The following ZNF385D variants were observed in gnomAD, a reference collection of about 807,000 sequenced individuals.
ZNF385D encodes the protein zinc finger protein 385D.
ZNF385D carries 15 observed loss-of-function variants against 35.8 expected under a neutral mutation model. The observed-to-expected ratio is 0.42, with a 90% confidence interval of 0.28 to 0.64. The LOEUF (loss-of-function observed/expected upper bound fraction) is 0.64, where lower values mean the gene tolerates loss of function less well. Among genes scored for constraint, ZNF385D ranks in the 30% least tolerant of loss-of-function variants. The pLI, the probability that ZNF385D is intolerant of heterozygous loss-of-function variation, is 0.23. For synonymous variants in ZNF385D, 212 were observed against 186.8 expected, an observed-to-expected ratio of 1.13 and a Z score of -1.10; for missense variants, 474 against 494.6, an observed-to-expected ratio of 0.96 and a Z score of 0.39.
At chr3:21,773,586 C>T (rs530774723) in intron 3 of ZNF385D, among the ~76,000 whole-genome samples, 1 of 151,940 alleles carries the variant, frequency 6.6e-6, no homozygotes, top group South Asian at 2.1e-4. Flanking sequence ...AAAAAACAAA[C>T]AATCCCATTA....
At chr3:21,894,478 A>T (rs183385329) in intron 3 of ZNF385D, among the ~76,000 whole-genome samples, 1 of 152,266 alleles carries the variant, frequency 6.6e-6, no homozygotes, top group Admixed American at 6.5e-5. Context: ...TTTCTTTTGC[A>T]ATATGATTTA....
At chr3:22,355,125 T>C (rs1696090936) in intron 2 of ZNF385D, among the ~76,000 whole-genome samples, 1 of 152,090 alleles carries the variant, frequency 6.6e-6, no homozygotes, top group Non-Finnish European at 1.5e-5. Flanking sequence ...TTCTGCCATA[T>C]CATGTATCAT....
At chr3:21,870,137 G>A (rs1025098645) in intron 3 of ZNF385D, among the ~76,000 whole-genome samples, 1 of 151,964 alleles carries the variant, frequency 6.6e-6, no homozygotes, top group Non-Finnish European at 1.5e-5. Flanking sequence ...GGAAAAAATT[G>A]TATATAAATG....
In ZNF385D at chr3:22,180,914, C is replaced by CTTTTTTTTTTTTTTTTTTTT. The variant is rs61668943; in HGVS notation, c.107-11880_107-11879insAAAAAAAAAAAAAAAAAAAA. Among the ~76,000 whole-genome samples the CTTTTTTTTTTTTTTTTTTTT allele has an allele frequency of 2.6e-4, 29 of 112,950 alleles. 2 individuals are homozygous for CTTTTTTTTTTTTTTTTTTTT. Among genetic ancestry groups the CTTTTTTTTTTTTTTTTTTTT allele is most frequent in the African/African-American group, 9.2e-4 (22 of 23,786 alleles). 74.1% of individuals were successfully genotyped at this position (112,950 alleles called of 152,430 possible). On this transcript the variant is annotated intron_variant, in intron 2 of 5. Transcript: ENST00000494108. The stretch of plus-strand genomic sequence containing the variant: ...AATCCAGTAGCTATATGCTTTTGTT[C>CTTTTTTTTTTTTTTTTTTTT]TTTTTTTTTTTTTTTTAAGAGACAG...
At chr3:22,372,144 C>G (rs1316395713) in intron 2 of ZNF385D, among the ~76,000 whole-genome samples, 1 of 152,090 alleles carries the variant, frequency 6.6e-6, no homozygotes, top group Non-Finnish European at 1.5e-5. Context: ...CCTCCCCTGC[C>G]CCTTGGTTCT....
chr3:22,186,114 T>G (rs967004572), intron 2 of ZNF385D, among the ~76,000 whole-genome samples: 1 of 152,210 alleles, frequency 6.6e-6, no homozygotes, highest in Non-Finnish European at 1.5e-5. Context: ...GCATTCTGAT[T>G]GCTTAATTAA....
chr3:21,497,158 C>A (rs762941615), intron 4 of ZNF385D, among the ~76,000 whole-genome samples: 1 of 152,102 alleles, frequency 6.6e-6, no homozygotes, highest in African/African-American at 2.4e-5. Context: ...ACCCCATAGT[C>A]TCTGCCCAAA....
At chr3:22,093,375 T>C (rs1266387538) in intron 3 of ZNF385D, among the ~76,000 whole-genome samples, 1 of 151,720 alleles carries the variant, frequency 6.6e-6, no homozygotes, top group East Asian at 1.9e-4. Context: ...AAAATATAGT[T>C]ATAATTTAAT....
At chr3:21,924,706 T>C (rs1358139239) in intron 3 of ZNF385D, among the ~76,000 whole-genome samples, 2 of 152,128 alleles carry the variant, frequency 1.3e-5, no homozygotes, top group Admixed American at 1.3e-4. Context: ...TCCATAGTGT[T>C]AGTGGAGACA....
chr3:21,875,507 C>T (rs1324348333), intron 3 of ZNF385D, among the ~76,000 whole-genome samples: 2 of 152,106 alleles, frequency 1.3e-5, no homozygotes, highest in African/African-American at 4.8e-5. Flanking sequence ...CTAAATACCA[C>T]TTCAAGCTTC....
intron 2 of ZNF385D, among the ~76,000 whole-genome samples, chr3:22,318,614 T>A (rs944883388): frequency 6.6e-6 from 1 of 152,088 alleles, no homozygotes. Flanking sequence ...TTTTCAGCAA[T>A]ATTTTGGAAG....
At chr3:21,482,683 T>C (rs1704720548) in intron 4 of ZNF385D, among the ~76,000 whole-genome samples, 1 of 152,168 alleles carries the variant, frequency 6.6e-6, no homozygotes, top group Admixed American at 6.6e-5. Flanking sequence ...AGACATCAAA[T>C]TAGGTCAACC....
chr3:22,206,718 C>A (rs1369791508), intron 2 of ZNF385D, among the ~76,000 whole-genome samples: 1 of 151,780 alleles, frequency 6.6e-6, no homozygotes, highest in African/African-American at 2.4e-5. Flanking sequence ...TGAAAAATTT[C>A]TTGAAACAAA....
chr3:21,793,560 C>T (rs1038689006), intron 3 of ZNF385D, among the ~76,000 whole-genome samples: 1 of 152,210 alleles, frequency 6.6e-6, no homozygotes. Context: ...AGAAAGTTCT[C>T]TCTGCAAAGT....
Position 21,825,729 on chromosome 3 carries a change from C to G in ZNF385D, c.326-160701G>C, listed in dbSNP as rs370271132. Among the ~76,000 whole-genome samples the G allele has an allele frequency of 6.6e-5, 10 of 152,284 alleles. No homozygotes were observed. The East Asian group carries it at 9.7e-4, about 15-fold the overall frequency. ...TGTCTCTTTCTCTGTGTTTGTCTCT[C>G]TCTCAAATTATGAAGGTTAATTTTT... On this transcript the variant is annotated intron_variant, in intron 3 of 5. Coordinates refer to the ZNF385D transcript ENST00000494108.
chr3:21,596,776 G>A (rs2125749143), intron 2 of ZNF385D, among the ~76,000 whole-genome samples: 1 of 152,058 alleles, frequency 6.6e-6, no homozygotes, highest in African/African-American at 2.4e-5. Flanking sequence ...AATGCGGCTG[G>A]CCACAAGTAG....
At chr3:21,621,432 AAAGCG>A (rs2065002243) in intron 2 of ZNF385D, among the ~76,000 whole-genome samples, 1 of 152,142 alleles carries the variant, frequency 6.6e-6, no homozygotes, top group African/African-American at 2.4e-5. Context: ...GGTAAAACAT[AAAGCG>A]GAGTCATTAA....
At chr3:21,915,812 G>A (rs1700167799) in intron 3 of ZNF385D, among the ~76,000 whole-genome samples, 1 of 152,106 alleles carries the variant, frequency 6.6e-6, no homozygotes, top group Non-Finnish European at 1.5e-5. Flanking sequence ...GGGATTCAAG[G>A]CAAACTGAGG....
intron 3 of ZNF385D, among the ~76,000 whole-genome samples, chr3:21,828,669 G>T: frequency 6.6e-6 from 1 of 152,102 alleles, no homozygotes; most frequent in Non-Finnish European, 1.5e-5. Context: ...GTTTCTTTTT[G>T]CTACCCCAAC....
Sources: gnomAD v4.1 joint callset for allele counts (sites outside exome capture counted in the v4.1 genomes callset) on GRCh38, gnomAD v4.1.1 for gene constraint, MANE v1.5 for transcripts, NCBI Gene and HGNC (gene_info 2026-07-23, HGNC 2026-07-21) for gene names.